The following GPATCH2L variants were observed in gnomAD, a reference collection of about 807,000 sequenced individuals.
GPATCH2L encodes G patch domain-containing protein 2-like.
In GPATCH2L, 31 loss-of-function variants were observed where a neutral mutation model predicts 57.4. That is an observed-to-expected ratio of 0.54 (90% CI 0.41 to 0.73). The LOEUF (loss-of-function observed/expected upper bound fraction) is 0.73, where lower values mean the gene tolerates loss of function less well. Among genes scored for constraint, GPATCH2L ranks in the 30% least tolerant of loss-of-function variants. The pLI is 0.00. For missense variants in GPATCH2L, 481 were observed against 599.9 expected (o/e 0.80, Z 2.07); for synonymous variants, 199 against 210.7 (o/e 0.94, Z 0.48).
chr14:76,152,308 GAGTCCTTCGAAACAC>G (rs1222385243), intron 1 of GPATCH2L, among the ~76,000 whole-genome samples: 3 of 152,166 alleles, frequency 2.0e-5, no homozygotes, highest in African/African-American at 7.2e-5. Context: ...GCGTGGTGGA[GAGTCCTTCGAAACAC>G]AGTTTTTGTC....
rs562109452 is a variant in GPATCH2L at position 76,224,922 on chromosome 14, A to G, written c.66-4886A>G. Among the ~76,000 whole-genome samples, 3 of 152,302 alleles carry G rather than the reference A, an allele frequency of 2.0e-5. No individual in the cohort carries two copies. The East Asian group carries it at 5.8e-4, about 29-fold the overall frequency. ...GAAGACATAAACTGAGAATAAATCT[A>G]ATGAAAGATGAGAAAAAATCTTTAC... On this transcript the variant is annotated intron_variant and NMD_transcript_variant, in intron 1 of 3. Coordinates refer to the GPATCH2L transcript ENST00000556372.
intron 5 of GPATCH2L, chr14:76,174,982 A>T (rs1307050407): frequency 6.6e-6 from 1 of 152,186 alleles, no homozygotes; most frequent in Non-Finnish European, 1.5e-5. Context: ...TGGAAAACTG[A>T]TACCTTTCAA....
In GPATCH2L at chr14:76,201,950, G is replaced by C; in HGVS notation, c.*99G>C. On this transcript the variant is annotated 3_prime_UTR_variant, in exon 10 of 10. Transcript: ENST00000261530. The stretch of plus-strand genomic sequence containing the variant: ...TTGCATATCTTAATCGACATTCCCA[G>C]TCCTTTCACCACCAGAACCAACTCC... The C allele has an allele frequency of 1.0e-6, 1 of 987,062 alleles. No homozygotes were observed. Among genetic ancestry groups the C allele is most frequent in the Non-Finnish European group, 1.5e-6 (1 of 671,714 alleles). The allele number at this position is 987,062 out of a possible 1,614,324, so 61.1% of individuals were successfully genotyped here. A position where few individuals can be genotyped will look rare whatever the true frequency, so the allele number is the denominator to read the frequency against.
chr14:76,233,976 T>C (rs1367503326), intron 2 of GPATCH2L, among the ~76,000 whole-genome samples: 1 of 151,944 alleles, frequency 6.6e-6, no homozygotes, highest in African/African-American at 2.4e-5. Context: ...CCATGTGCAG[T>C]GGACACACCT....
chr14:76,196,437 GTTTTT>G (rs78248589), intron 9 of GPATCH2L: 2 of 128,884 alleles, frequency 1.6e-5, no homozygotes, highest in South Asian at 2.0e-4. Flanking sequence ...AAACTTTTCA[GTTTTT>G]TTTTTTTTTT....
intron 1 of GPATCH2L, among the ~76,000 whole-genome samples, chr14:76,219,777 G>T (rs1205378924): frequency 6.6e-6 from 1 of 152,174 alleles, no homozygotes; most frequent in African/African-American, 2.4e-5. Flanking sequence ...CGTTCTGAAA[G>T]AAAGTCATTG....
intron 1 of GPATCH2L, chr14:76,152,896 G>C (rs1405928731): frequency 2.6e-6 from 1 of 379,844 alleles, no homozygotes; most frequent in Non-Finnish European, 5.2e-6. Flanking sequence ...TTTGGTCTTA[G>C]GGACAGTTGT....
At chr14:76,186,096 G>C (rs562681576) in intron 8 of GPATCH2L, among the ~76,000 whole-genome samples, 2 of 152,210 alleles carry the variant, frequency 1.3e-5, no homozygotes, top group East Asian at 3.9e-4. Flanking sequence ...TTGTTATGTA[G>C]TTACTGCCCT....
At chr14:76,191,609 G>A (rs558603918) in intron 8 of GPATCH2L, among the ~76,000 whole-genome samples, 1 of 151,794 alleles carries the variant, frequency 6.6e-6, no homozygotes, top group Non-Finnish European at 1.5e-5. Flanking sequence ...TTTTCCCCAG[G>A]CTTGTTCTCT....
At position 76,201,869 on chromosome 14, in the gene GPATCH2L, TC is replaced by T. The variant is rs765998484; in HGVS notation, c.*20del. ...ACAGCTAGAGAGCAGGACTTCACCC[TC>T]CAGGAGCTGACTGGGTGTTGCTGAA... On this transcript the variant is annotated 3_prime_UTR_variant, in exon 10 of 10. Transcript: ENST00000261530. 40 of 1,606,182 alleles carry T rather than the reference TC, an allele frequency of 2.5e-5. No homozygotes were observed. In the African/African-American group the frequency reaches 5.4e-4, roughly 22 times the overall value.
At position 76,154,545 on chromosome 14, in the gene GPATCH2L, A is replaced by G. The variant is rs1449110085; in HGVS notation, c.182A>G (p.Tyr61Cys). The part of the protein sequence containing the change: ...FTHLAEHTCC[Y>C]SEASESSLDE... The stretch of plus-strand genomic sequence containing the variant: ...CACCTGGCAGAGCATACCTGCTGCT[A>G]CAGCGAGGCCTCTGAGTCAAGTCTG... Residue 61 changes from tyrosine to cysteine, a missense_variant, in exon 2 of 10, where the codon TAC becomes TGC. Coordinates refer to ENST00000261530, the MANE Select transcript of GPATCH2L (RefSeq NM_017926.4). The surrounding 1 kb of genome is among the most constrained non-coding windows in gnomAD (Gnocchi z 4.4). 1.2e-6 allele frequency: 2 copies of G among 1,614,230 alleles called. No individual in the cohort carries two copies.
chr14:76,167,636 A>G (rs1807396654), intron 3 of GPATCH2L, among the ~76,000 whole-genome samples: 2 of 152,194 alleles, frequency 1.3e-5, no homozygotes, highest in South Asian at 2.1e-4. Context: ...AGTTGTAGGC[A>G]TAGAGGCAGT....
rs1446839852 is a variant in GPATCH2L, at chr14:76,212,544, A to G, written c.*10693A>G. 1.3e-5 allele frequency: 2 copies of G among 152,206 alleles called. No individual in the cohort carries two copies. Among genetic ancestry groups the G allele is most frequent in the Non-Finnish European group, 2.9e-5 (2 of 68,024 alleles). The allele number at this position is 152,206 out of a possible 1,614,324, so 9.4% of individuals were successfully genotyped here. ...GGAGACACAGGAAGAAACAAATACAATGTTAGTTGGATATTTTAATTCAAT... is the reference window on the plus strand; with the variant it reads ...GGAGACACAGGAAGAAACAAATACAGTGTTAGTTGGATATTTTAATTCAAT... On this transcript the variant is annotated 3_prime_UTR_variant, in exon 10 of 10. Transcript: ENST00000261530.
rs369005358 is a variant in GPATCH2L, at chr14:76,232,361, G to A, written c.*117+2408G>A. ...GTCTTCCAGGCTGGAGCGCAATGGC[G>A]CCATCTCGGCTCACTGCAACCTCTG... On this transcript the variant is annotated intron_variant and NMD_transcript_variant, in intron 2 of 3. Transcript: ENST00000556372. Among the ~76,000 whole-genome samples, 12 of 152,104 alleles carry A rather than the reference G, an allele frequency of 7.9e-5. No individual in the cohort carries two copies. In the East Asian group the frequency reaches 9.7e-4, roughly 12 times the overall value.
chr14:76,184,026 GTGT>G (rs550024721), intron 8 of GPATCH2L, among the ~76,000 whole-genome samples: 34,186 of 146,064 alleles, frequency 0.23, 4,151 homozygotes, highest in Middle Eastern at 0.32. Context: ...TTAGCATGGT[GTGT>G]GTGTGTGTGT....
At chr14:76,161,059 T>G (rs1211189988) in intron 2 of GPATCH2L, among the ~76,000 whole-genome samples, 3 of 152,228 alleles carry the variant, frequency 2.0e-5, no homozygotes, top group African/African-American at 7.2e-5. Flanking sequence ...ATTTCAGAAC[T>G]GATGTGAGAT....
downstream of GPATCH2L, among the ~76,000 whole-genome samples, chr14:76,217,379 G>A (rs1046772021): frequency 1.3e-5 from 2 of 152,008 alleles, no homozygotes; most frequent in African/African-American, 4.8e-5. Context: ...ATAATAATGC[G>A]ACTGAACTCA....
chr14:76,189,625 T>C (rs2039891148), intron 8 of GPATCH2L, among the ~76,000 whole-genome samples: 1 of 152,152 alleles, frequency 6.6e-6, no homozygotes, highest in Non-Finnish European at 1.5e-5. Flanking sequence ...TTTCCAAATA[T>C]AAGTTCATAT....
At chr14:76,177,944 T>C in intron 6 of GPATCH2L, 44 bp from the exon 7 acceptor site, 1 of 1,602,014 alleles carries the variant, frequency 6.2e-7, no homozygotes, top group Non-Finnish European at 8.6e-7. Context: ...AAGATCATTT[T>C]TCTTTGTCAT....
Sources: allele counts gnomAD v4.1 joint callset (sites outside exome capture counted in the v4.1 genomes callset), GRCh38; gene constraint gnomAD v4.1.1; non-coding constraint Gnocchi (gnomAD v3.1); transcripts MANE v1.5; gene names NCBI Gene and HGNC (gene_info 2026-07-23, HGNC 2026-07-21).